Variants in CSMD2 observed in about 807,000 individuals in gnomAD.
CSMD2 encodes CUB and sushi domain-containing protein 2.
In CSMD2, 130 loss-of-function variants were observed where a neutral mutation model predicts 398.5. That is an observed-to-expected ratio of 0.33 (90% CI 0.28 to 0.38). The LOEUF is 0.38. Among genes scored for constraint, CSMD2 ranks in the 10% least tolerant of loss-of-function variants. The pLI is 1.00. For missense variants in CSMD2, 3,829 were observed against 4,764.9 expected, an observed-to-expected ratio of 0.80 and a Z score of 5.78; for synonymous variants, 1,828 against 1,908.5, an observed-to-expected ratio of 0.96 and a Z score of 1.10.
chr1:33,592,809 C>T (rs546073953), intron 44 of CSMD2, among the ~76,000 whole-genome samples: 10 of 152,036 alleles, frequency 6.6e-5, no homozygotes, highest in African/African-American at 1.7e-4. Flanking sequence ...ATTAGCTGGG[C>T]GAGGTGGTGG....
At chr1:33,741,401 G>C (rs763006638) in intron 14 of CSMD2, among the ~76,000 whole-genome samples, 1 of 152,174 alleles carries the variant, frequency 6.6e-6, no homozygotes, top group African/African-American at 2.4e-5. Flanking sequence ...GACTGCATCC[G>C]ATCGCCTCAG....
intron 6 of CSMD2, 26 bp downstream of exon 6, chr1:33,846,858 G>A (rs1275552758): frequency 6.7e-7 from 1 of 1,496,276 alleles, no homozygotes; most frequent in East Asian, 2.5e-5. Flanking sequence ...CACTGAGGAA[G>A]CCAGACAGTC....
chr1:33,653,253 G>A (rs1467961830), intron 27 of CSMD2, among the ~76,000 whole-genome samples: 2 of 152,140 alleles, frequency 1.3e-5, no homozygotes, highest in Admixed American at 6.5e-5. Flanking sequence ...GTTGATAGAC[G>A]GAGCCGGCAC....
At chr1:34,126,189 A>T (rs1165167574) in intron 1 of CSMD2, among the ~76,000 whole-genome samples, 2 of 152,124 alleles carry the variant, frequency 1.3e-5, no homozygotes, top group Admixed American at 1.3e-4. Context: ...ACCACCTCCA[A>T]TTTAAACTAC....
intron 20 of CSMD2, among the ~76,000 whole-genome samples, chr1:33,715,915 T>G (rs1646151539): frequency 6.6e-6 from 1 of 152,136 alleles, no homozygotes; most frequent in Non-Finnish European, 1.5e-5. Context: ...ACCTTTTTTT[T>G]TTTTCATATT....
chr1:34,077,859 T>C (rs191716046), intron 2 of CSMD2, among the ~76,000 whole-genome samples: 277 of 151,754 alleles, frequency 1.8e-3, no homozygotes, highest in African/African-American at 6.3e-3. Context: ...GGGTGATGGA[T>C]ACAACTAGAA....
intron 2 of CSMD2, among the ~76,000 whole-genome samples, chr1:34,041,187 G>A (rs1261686908): frequency 6.6e-6 from 1 of 152,070 alleles, no homozygotes; most frequent in Non-Finnish European, 1.5e-5. Flanking sequence ...CAGAAGTGCT[G>A]GACTGTACAC....
At chr1:33,687,558 A>G (rs1645098426) in intron 25 of CSMD2, among the ~76,000 whole-genome samples, 1 of 152,208 alleles carries the variant, frequency 6.6e-6, no homozygotes, top group Admixed American at 6.5e-5. Context: ...GGAAGAGTTA[A>G]CAATAAAAAA....
At chr1:33,770,761 G>C (rs1651146800) in intron 13 of CSMD2, among the ~76,000 whole-genome samples, 1 of 152,208 alleles carries the variant, frequency 6.6e-6, no homozygotes, top group South Asian at 2.1e-4. Context: ...AAACCACAGG[G>C]AGCACTGACA....
intron 5 of CSMD2, among the ~76,000 whole-genome samples, chr1:33,877,279 C>T (rs1202902228): frequency 6.6e-6 from 1 of 152,180 alleles, no homozygotes; most frequent in African/African-American, 2.4e-5. Flanking sequence ...GTCACAAGTT[C>T]TGGGAAAATG....
At chr1:33,994,794 G>A (rs372088807) in intron 3 of CSMD2, among the ~76,000 whole-genome samples, 1 of 152,084 alleles carries the variant, frequency 6.6e-6, no homozygotes, top group Admixed American at 6.6e-5. Flanking sequence ...CACCGGGCAC[G>A]GTGGCTCATG....
At position 33,625,058 on chromosome 1, in the gene CSMD2, C is replaced by A; in HGVS notation, c.5493G>T (p.Thr1831=). Residue 1831 remains threonine, a synonymous_variant, in exon 34 of 71, where the codon ACG becomes ACT. Transcript: ENST00000373381. The stretch of plus-strand genomic sequence containing the variant: ...CGGGTCCTGGTTACTCACCCACACA[C>A]GTGGGCGCTGAGACATTCCATTGGG... ...ALAQWNVSAP[T]CVVPCGGNLT... 1 of 1,613,942 alleles carries A rather than the reference C, an allele frequency of 6.2e-7. No homozygotes were observed. Among genetic ancestry groups the A allele is most frequent in the Non-Finnish European group, 8.5e-7 (1 of 1,179,942 alleles).
intron 25 of CSMD2, among the ~76,000 whole-genome samples, chr1:33,667,970 A>T (rs1644369482): frequency 6.6e-6 from 1 of 152,198 alleles, no homozygotes; most frequent in Non-Finnish European, 1.5e-5. Context: ...CTAAAAAATT[A>T]TCAGCTGTGT....
chr1:34,128,339 T>C (rs1662959623), intron 1 of CSMD2, among the ~76,000 whole-genome samples: 1 of 152,102 alleles, frequency 6.6e-6, no homozygotes, highest in Non-Finnish European at 1.5e-5. Flanking sequence ...TGGTGACTCT[T>C]GGTAGAATTT....
At chr1:34,154,168 G>C (rs186812651) in intron 1 of CSMD2, among the ~76,000 whole-genome samples, 2 of 152,288 alleles carry the variant, frequency 1.3e-5, no homozygotes, top group African/African-American at 4.8e-5. Context: ...AATCAGAGAA[G>C]TGTAAATTAA....
chr1:33,790,853 T>TATC (rs1268718822), intron 11 of CSMD2, among the ~76,000 whole-genome samples: 1 of 145,286 alleles, frequency 6.9e-6, no homozygotes, highest in Non-Finnish European at 1.5e-5. Context: ...ATCATCTATC[T>TATC]ATCTATCTCT....
chr1:34,121,023 A>G (rs542648053), intron 1 of CSMD2, among the ~76,000 whole-genome samples: 1 of 152,342 alleles, frequency 6.6e-6, no homozygotes, highest in East Asian at 1.9e-4. Context: ...TTGAATAACC[A>G]GACATGCAGA....
chr1:33,911,846 T>A (rs577331984), intron 5 of CSMD2, among the ~76,000 whole-genome samples: 1 of 152,276 alleles, frequency 6.6e-6, no homozygotes, highest in Non-Finnish European at 1.5e-5. Flanking sequence ...CCGGGGTGGG[T>A]GCATGCTGGA....
chr1:34,061,140 A>G (rs968113360), intron 2 of CSMD2, among the ~76,000 whole-genome samples: 1 of 151,946 alleles, frequency 6.6e-6, no homozygotes, highest in Admixed American at 6.6e-5. Context: ...CAATGGGGAG[A>G]GGGGGGCTAC....
Sources: gnomAD v4.1 joint callset for allele counts (sites outside exome capture counted in the v4.1 genomes callset) on GRCh38, gnomAD v4.1.1 for gene constraint, MANE v1.5 for transcripts, NCBI Gene and HGNC (gene_info 2026-07-23, HGNC 2026-07-21) for gene names.